DIS3L: variants seen among roughly 807,000 people sequenced by gnomAD.
DIS3L encodes DIS3 like exosome 3'-5' exoribonuclease.
A neutral mutation model predicts 120.3 loss-of-function variants in DIS3L; 100 were observed. The ratio of observed to expected loss-of-function variants is 0.83; its 90% CI spans 0.71 to 0.98. The LOEUF is 0.98. Ranked by LOEUF, DIS3L falls within the 50% of genes least tolerant of loss-of-function variation. The pLI, the probability that DIS3L is intolerant of heterozygous loss-of-function variation, is 0.00. For missense variants in DIS3L, 1,196 were observed against 1,314.2 expected, an observed-to-expected ratio of 0.91 and a Z score of 1.39; for synonymous variants, 426 against 470.6, an observed-to-expected ratio of 0.91 and a Z score of 1.23.
rs1186203502 is a variant in DIS3L, at chr15:66,308,723, C to T, written c.437C>T (p.Ala146Val). The T allele has an allele frequency of 6.2e-7, 1 of 1,612,174 alleles. No individual in the cohort carries two copies. The highest frequency in any genetic ancestry group is 1.3e-5 in the African/African-American group (1 of 74,986). The change falls in exon 4 of 17, where the codon GCA (alanine) becomes GTA (valine). Residue 146 changes from alanine to valine, a missense_variant. Physicochemically the swap from Ala to Val is moderately conservative, Grantham distance 64 (BLOSUM62 0). Coordinates refer to ENST00000319212, the MANE Select transcript of DIS3L (RefSeq NM_001143688.3). ...TGCTTTTCCAGGAGCATATACAACG[C>T]AGCTGTTTGGTACTATCATCACTGC... ...EKWQTRSIYNAAVWYYHHCQD... is the reference protein window; with the variant it reads ...EKWQTRSIYNVAVWYYHHCQD...
rs1483131571 is a variant in DIS3L at position 66,320,743 on chromosome 15, C to T, written c.1326+11C>T. On this transcript the variant is annotated intron_variant, in intron 9 of 16. Coordinates refer to ENST00000319212, the MANE Select transcript of DIS3L (RefSeq NM_001143688.3). ...TTCTCAGAAGCTCAGGTCAGATTTT[C>T]CAGAAGGCTTTGATCTAGTGACATT... 1 of 1,608,864 alleles carries T rather than the reference C, an allele frequency of 6.2e-7. No homozygotes were observed. The highest frequency in any genetic ancestry group is 8.5e-7 in the Non-Finnish European group (1 of 1,178,158).
chr15:66,327,331 G>A (rs1176426323), intron 12 of DIS3L, among the ~76,000 whole-genome samples: 1 of 152,152 alleles, frequency 6.6e-6, no homozygotes, highest in Non-Finnish European at 1.5e-5. Flanking sequence ...ATTTATTTCA[G>A]TACTTTTAAA....
chr15:66,307,045 G>A, intron 3 of DIS3L, 93 bp downstream of exon 3: 2 of 1,495,014 alleles, frequency 1.3e-6, no homozygotes, highest in South Asian at 2.5e-5. Context: ...TAGTCTGCTA[G>A]AACAAACCAA....
intron 14 of DIS3L, 173 bp from the exon 15 acceptor site, chr15:66,331,702 A>G: frequency 1.8e-6 from 1 of 558,102 alleles, no homozygotes; most frequent in African/African-American, 1.9e-5. Flanking sequence ...GACATTTTTG[A>G]GGAGATAATA....
Position 66,311,897 on chromosome 15 carries a change from C to A in DIS3L, c.732C>A (p.Ile244=). Residue 244 remains isoleucine (I), a synonymous_variant, in exon 5 of 17, where the codon ATC becomes ATA. Transcript: ENST00000319212. ...CTGGGATTAAATCTGGACGCTATATCCAGGTGAGGGTGGTAATTTAGAATG... is the reference window on the plus strand; with the variant it reads ...CTGGGATTAAATCTGGACGCTATATACAGGTGAGGGTGGTAATTTAGAATG... ...LEAGIKSGRY[I]QGILNVNKHR... The A allele has an allele frequency of 6.2e-7, 1 of 1,613,748 alleles. No individual in the cohort carries two copies. The highest frequency in any genetic ancestry group is 8.5e-7 in the Non-Finnish European group (1 of 1,179,846).
In DIS3L at chr15:66,332,775, TG is replaced by T. The variant is rs771451739; in HGVS notation, c.2723del (p.Gly908ValfsTer2). On this transcript the variant is annotated frameshift_variant, in exon 16 of 17. Transcript: ENST00000319212. LOFTEE classifies it high-confidence loss of function. ...KGAAYLKNKD[G>X]LVISCGPDSC... ...GTGCTGCTTATCTAAAAAATAAAGA[TG>T]GTTTAGTCATCTCATGTGGCCCAGA... 29 of 1,613,160 alleles carry T rather than the reference TG, an allele frequency of 1.8e-5. 1 individual carries two copies. In the South Asian group the frequency reaches 3.2e-4, roughly 18 times the overall value.
chr15:66,306,316 A>AG (rs563913963), intron 2 of DIS3L, among the ~76,000 whole-genome samples: 149 of 152,346 alleles, frequency 9.8e-4, no homozygotes, highest in Middle Eastern at 3.4e-3. Context: ...TATGTAAATC[A>AG]GGGTGGCTGC....
chr15:66,320,049 G>A (rs952865954), intron 8 of DIS3L, among the ~76,000 whole-genome samples: 3 of 151,798 alleles, frequency 2.0e-5, no homozygotes, highest in Admixed American at 1.3e-4. Context: ...ACTTGAACCC[G>A]GGAGGCATAG....
chr15:66,302,686 A>G (rs1444348934), intron 2 of DIS3L, among the ~76,000 whole-genome samples: 1 of 152,096 alleles, frequency 6.6e-6, no homozygotes, highest in Non-Finnish European at 1.5e-5. Context: ...TTCAGAGCTC[A>G]TGGGTCACCT....
intron 2 of DIS3L, among the ~76,000 whole-genome samples, chr15:66,298,035 G>A (rs541695335): frequency 1.7e-4 from 26 of 152,060 alleles, no homozygotes; most frequent in African/African-American, 5.3e-4. Context: ...CAAAATGCGC[G>A]AGATGACGTG....
chr15:66,324,472 C>T (rs1418474094), intron 11 of DIS3L, among the ~76,000 whole-genome samples: 1 of 152,140 alleles, frequency 6.6e-6, no homozygotes, highest in Non-Finnish European at 1.5e-5. Flanking sequence ...CATGCCCAGA[C>T]CATTTCACAT....
At chr15:66,321,322 C>T (rs2092880796) in intron 9 of DIS3L, among the ~76,000 whole-genome samples, 1 of 152,106 alleles carries the variant, frequency 6.6e-6, no homozygotes, top group East Asian at 1.9e-4. Flanking sequence ...AATTTCTGTT[C>T]TGCTTCTTTC....
At chr15:66,324,850 T>C (rs550601742) in intron 11 of DIS3L, among the ~76,000 whole-genome samples, 1 of 152,358 alleles carries the variant, frequency 6.6e-6, no homozygotes, top group African/African-American at 2.4e-5. Context: ...TACTGATTAA[T>C]TTGTAAAAGC....
chr15:66,322,688 T>A lies in DIS3L; in HGVS notation c.1328T>A (p.Met443Lys), dbSNP rs773341742. The change falls in exon 10 of 17, where the codon ATG (methionine) becomes AAG (lysine). Residue 443 changes from methionine (M) to lysine (K), a missense_variant and splice_region_variant. By Grantham distance (95) the Met-to-Lys change is moderately conservative. Transcript: ENST00000319212. Reference sequence around the variant, plus strand: ...CTGAATATTTGGTTTCTCATACAGATGTGTGAGATGCCAGTAAACACACCA... The same window carrying A: ...CTGAATATTTGGTTTCTCATACAGAAGTGTGAGATGCCAGTAAACACACCA... ...ISVIPFSEAQ[M>K]CEMPVNTPES... The A allele has an allele frequency of 6.2e-7, 1 of 1,614,064 alleles. No individual in the cohort carries two copies. Among genetic ancestry groups the A allele is most frequent in the Admixed American group, 1.7e-5 (1 of 60,004 alleles).
intron 5 of DIS3L, among the ~76,000 whole-genome samples, 172 bp from the exon 6 acceptor site, chr15:66,313,865 GTA>G (rs35511104): frequency 0.013 from 1,750 of 131,846 alleles, 33 homozygotes; most frequent in African/African-American, 0.05. Flanking sequence ...ATATATGTGT[GTA>G]TATATATATA....
In DIS3L at chr15:66,325,989, A is replaced by G; in HGVS notation, c.1826A>G (p.Glu609Gly). The G allele has an allele frequency of 6.2e-7, 1 of 1,614,192 alleles. No homozygotes were observed. The highest frequency in any genetic ancestry group is 1.1e-5 in the South Asian group (1 of 91,070). Residue 609 changes from glutamate (E) to glycine (G), a missense_variant, in exon 12 of 17, where the codon GAA (glutamate) becomes GGA (glycine). Transcript: ENST00000319212. ...TTAAGCGTTGTTGATGATATTCCAG[A>G]ATTCAAAGACTTGGATGAGAAGAGC... Reference protein sequence around the residue: ...GNLSVVDDIPEFKDLDEKSRQ... With the variant: ...GNLSVVDDIPGFKDLDEKSRQ...
Position 66,314,136 on chromosome 15 carries a change from A to C in DIS3L, c.814+19A>C. ...GATTCAGGTTCAGTATAAACCTTAC[A>C]TAAATTTCCATACTCCTTTTTTATT... On this transcript the variant is annotated intron_variant, in intron 6 of 16. Coordinates refer to ENST00000319212, the MANE Select transcript of DIS3L (RefSeq NM_001143688.3). 1 of 1,436,814 alleles carries C rather than the reference A, an allele frequency of 7.0e-7. No homozygotes were observed. Among genetic ancestry groups the C allele is most frequent in the Non-Finnish European group, 9.1e-7 (1 of 1,096,628 alleles). 89.0% of individuals were successfully genotyped at this position (1,436,814 alleles called of 1,614,324 possible).
Position 66,308,862 on chromosome 15 carries a change from A to G in DIS3L, c.558+18A>G. The stretch of plus-strand genomic sequence containing the variant: ...CTTTCAAGGTATTTCCAGATATTGT[A>G]TATGTATGAGTGCTCATTTTCTAAG... On this transcript the variant is annotated intron_variant, in intron 4 of 16. Coordinates refer to ENST00000319212, the MANE Select transcript of DIS3L (RefSeq NM_001143688.3). The G allele has an allele frequency of 1.2e-6, 2 of 1,610,104 alleles. No homozygotes were observed. The highest frequency in any genetic ancestry group is 8.5e-7 in the Non-Finnish European group (1 of 1,177,664).
At chr15:66,298,179 CAAAAAAAAA>C (rs11419116) in intron 2 of DIS3L, among the ~76,000 whole-genome samples, 1 of 45,978 alleles carries the variant, frequency 2.2e-5, no homozygotes, top group Non-Finnish European at 3.7e-5. Flanking sequence ...GACTCCGTCT[CAAAAAAAAA>C]AAAAAAAAAA....
Sources: gnomAD v4.1 joint callset for allele counts (sites outside exome capture counted in the v4.1 genomes callset) on GRCh38, gnomAD v4.1.1 for gene constraint, MANE v1.5 for transcripts, NCBI Gene and HGNC (gene_info 2026-07-23, HGNC 2026-07-21) for gene names.